Variants in EML4 observed in about 807,000 individuals in gnomAD.
EML4 encodes echinoderm microtubule-associated protein-like 4.
Under a neutral mutation model 129.0 loss-of-function variants are expected in EML4, and 72 were observed. The observed-to-expected ratio is 0.56, with a 90% CI of 0.46 to 0.68. EML4 has a LOEUF of 0.68. Ranked by LOEUF, EML4 falls within the 30% of genes least tolerant of loss-of-function variation. The pLI is 0.00. For missense variants in EML4, 1,363 were observed against 1,190.6 expected, an observed-to-expected ratio of 1.14 and a Z score of -2.13; for synonymous variants, 532 against 405.0, an observed-to-expected ratio of 1.31 and a Z score of -3.77.
At chr2:42,314,113 C>A (rs546817805) in intron 17 of EML4, among the ~76,000 whole-genome samples, 1 of 152,124 alleles carries the variant, frequency 6.6e-6, no homozygotes, top group Non-Finnish European at 1.5e-5. Flanking sequence ...AATCCCAGCA[C>A]TTTGGGAGCC....
chr2:42,203,692 C>A (rs1388381357), intron 1 of EML4, among the ~76,000 whole-genome samples: 1 of 143,798 alleles, frequency 7.0e-6, no homozygotes, highest in East Asian at 2.1e-4. Context: ...GTGTGAATTG[C>A]AGTTGCCTGA....
At chr2:42,210,105 C>A (rs1240514520) in intron 1 of EML4, among the ~76,000 whole-genome samples, 1 of 152,148 alleles carries the variant, frequency 6.6e-6, no homozygotes, top group Non-Finnish European at 1.5e-5. Flanking sequence ...AACCCAATAA[C>A]ACATTGTATT....
chr2:42,212,440 G>T (rs976613952), intron 1 of EML4, among the ~76,000 whole-genome samples: 2 of 151,626 alleles, frequency 1.3e-5, no homozygotes, highest in African/African-American at 4.8e-5. Context: ...TTAAAGAAAA[G>T]GACAGGAAAT....
chr2:42,294,470 C>T (rs936827047), intron 11 of EML4, among the ~76,000 whole-genome samples: 40 of 152,258 alleles, frequency 2.6e-4, no homozygotes, highest in African/African-American at 8.7e-4. Flanking sequence ...CTGAGGTGGG[C>T]GGATGACTTG....
At chr2:42,184,022 T>C (rs1180452950) in intron 1 of EML4, among the ~76,000 whole-genome samples, 1 of 152,144 alleles carries the variant, frequency 6.6e-6, no homozygotes, top group African/African-American at 2.4e-5. Context: ...CTTAAAGCAA[T>C]TTGGGCTATT....
At chr2:42,192,165 G>C (rs944944935) in intron 1 of EML4, among the ~76,000 whole-genome samples, 2 of 148,724 alleles carry the variant, frequency 1.3e-5, no homozygotes, top group African/African-American at 2.5e-5. Context: ...ATTTCCCCAA[G>C]AGTCTGGGTC....
chr2:42,263,179 A>G lies in EML4; in HGVS notation c.514A>G (p.Ile172Val), dbSNP rs754282899. ...ESKNATPTKS[I>V]KRPSPAEKSH... The stretch of plus-strand genomic sequence containing the variant: ...CTAAGAAATTAATGTTCCTTCTAGC[A>G]TAAAACGACCATCACCAGCTGAAAA... The change falls in exon 5 of 23, where the codon ATA (isoleucine) becomes GTA (valine). Residue 172 changes from isoleucine (I) to valine (V), a missense_variant and splice_region_variant. By Grantham distance (29) the Ile-to-Val change is conservative. Transcript: ENST00000318522. 7 of 1,610,398 alleles carry G rather than the reference A, an allele frequency of 4.3e-6. No individual in the cohort carries two copies. Among genetic ancestry groups the G allele is most frequent in the South Asian group, 2.2e-5 (2 of 90,082 alleles).
rs540267460 is a variant in EML4 at position 42,331,830 on chromosome 2, CTGTG to C, written c.*1627_*1630del. 1 of 221,380 alleles carries C rather than the reference CTGTG, an allele frequency of 4.5e-6. No individual in the cohort carries two copies. The highest frequency in any genetic ancestry group is 9.1e-6 in the Non-Finnish European group (1 of 110,256). 13.7% of individuals were successfully genotyped at this position (221,380 alleles called of 1,614,324 possible). ...GTGTGTGAAGGGGCGAGTGGAGACA[CTGTG>C]TGTATCTCTAGATAAGAAGATATGC... On this transcript the variant is annotated 3_prime_UTR_variant, in exon 23 of 23. Transcript: ENST00000318522.
At chr2:42,237,717 A>G (rs1674763833) in intron 1 of EML4, among the ~76,000 whole-genome samples, 2 of 152,234 alleles carry the variant, frequency 1.3e-5, no homozygotes, top group Non-Finnish European at 1.5e-5. Flanking sequence ...CTTATAATAA[A>G]GTAAGCTAGA....
At chr2:42,289,462 C>G (rs890204131) in intron 11 of EML4, 1 of 148,800 alleles carries the variant, frequency 6.7e-6, no homozygotes, top group African/African-American at 2.5e-5. Context: ...CAGCCCAGAT[C>G]TCTAACAGGT....
Position 42,183,091 on chromosome 2 carries a change from G to A in EML4, c.25+13455G>A, listed in dbSNP as rs137894746. Among the ~76,000 whole-genome samples, 409 of 152,288 alleles carry A rather than the reference G, an allele frequency of 2.7e-3. 3 individuals carry two copies. Among genetic ancestry groups the A allele is most frequent in the South Asian group, 1.0e-2 (48 of 4,824 alleles). ...GATTGCTTGAGCCTGGGAGGTGGAGGTTGCAGTGAGCTGAGATCGCACCAC... is the reference window on the plus strand; with the variant it reads ...GATTGCTTGAGCCTGGGAGGTGGAGATTGCAGTGAGCTGAGATCGCACCAC... On this transcript the variant is annotated intron_variant, in intron 1 of 22. Transcript: ENST00000318522.
At chr2:42,268,399 C>T (rs931677091) in intron 6 of EML4, among the ~76,000 whole-genome samples, 8 of 152,134 alleles carry the variant, frequency 5.3e-5, no homozygotes, top group South Asian at 2.1e-4. Context: ...ACCAGTGTCC[C>T]ATGGAAACCA....
chr2:42,269,395 A>C (rs150484525), intron 6 of EML4, among the ~76,000 whole-genome samples: 6 of 152,330 alleles, frequency 3.9e-5, no homozygotes, highest in Admixed American at 1.3e-4. Flanking sequence ...ACATTCATTC[A>C]TTCATTTAAC....
chr2:42,169,558 G>T lies in EML4; in HGVS notation c.-54G>T. On this transcript the variant is annotated 5_prime_UTR_variant, in exon 1 of 23. Transcript: ENST00000318522. Reference sequence around the variant, plus strand: ...TCAGCGTCGGCCACTCTGTCGGTCCGCTGAATGAAGTGCCCGCCCCTCTAA... The same window carrying T: ...TCAGCGTCGGCCACTCTGTCGGTCCTCTGAATGAAGTGCCCGCCCCTCTAA... 1 of 1,579,992 alleles carries T rather than the reference G, an allele frequency of 6.3e-7. No individual in the cohort carries two copies. Among genetic ancestry groups the T allele is most frequent in the Non-Finnish European group, 8.6e-7 (1 of 1,167,388 alleles).
intron 1 of EML4, among the ~76,000 whole-genome samples, chr2:42,178,573 G>C (rs1182763930): frequency 2.0e-5 from 3 of 152,072 alleles, no homozygotes; most frequent in Non-Finnish European, 4.4e-5. Context: ...GATTTTCCTT[G>C]TTTGTAGTGT....
In EML4 at chr2:42,284,712, C is replaced by T. The variant is rs1439495170; in HGVS notation, c.1011+9C>T. On this transcript the variant is annotated intron_variant, in intron 9 of 22. Transcript: ENST00000318522. ...TGGATAAAGATGGAAGGGTGAGTGG[C>T]ATAGTGTTATGCCTTCTGTACCTAG... 6.2e-7 allele frequency: 1 copy of T among 1,608,056 alleles called. No homozygotes were observed. The highest frequency in any genetic ancestry group is 1.7e-5 in the Admixed American group (1 of 59,594).
chr2:42,245,382 C>A, intron 1 of EML4, 123 bp from the exon 2 acceptor site: 2 of 884,654 alleles, frequency 2.3e-6, no homozygotes, highest in Non-Finnish European at 3.4e-6. Context: ...AGGCACGAGC[C>A]ACTTCACCTA....
At chr2:42,280,732 A>C in intron 6 of EML4, 118 bp from the exon 7 acceptor site, 1 of 741,214 alleles carries the variant, frequency 1.3e-6, no homozygotes, top group Non-Finnish European at 2.2e-6. Flanking sequence ...ATATAATGAG[A>C]CTAAAACTTT....
At position 42,303,192 on chromosome 2, in the gene EML4, G is replaced by A. The variant is rs762915440; in HGVS notation, c.1730G>A (p.Arg577Gln). 15 of 1,614,000 alleles carry A rather than the reference G, an allele frequency of 9.3e-6. No homozygotes were observed. Among genetic ancestry groups the A allele is most frequent in the East Asian group, 4.5e-5 (2 of 44,890 alleles). The change falls in exon 15 of 23, where the codon CGA becomes CAA. Residue 577 changes from arginine (R) to glutamine (Q), a missense_variant. Physicochemically the swap from Arg to Gln is conservative, Grantham distance 43. Transcript: ENST00000318522. The stretch of plus-strand genomic sequence containing the variant: ...GGCACATCACGAAACTTTATTTTAC[G>A]AGGAACATTTAATGATGGCTTCCAA... The part of the protein sequence containing the change: ...LVGTSRNFIL[R>Q]GTFNDGFQIE...
Sources: allele counts gnomAD v4.1 joint callset (sites outside exome capture counted in the v4.1 genomes callset), GRCh38; gene constraint gnomAD v4.1.1; transcripts MANE v1.5; gene names NCBI Gene and HGNC (gene_info 2026-07-23, HGNC 2026-07-21).